MYOM2: variants seen among roughly 807,000 people sequenced by gnomAD.
The protein encoded by MYOM2 is myomesin 2.
A neutral mutation model predicts 187.6 loss-of-function variants in MYOM2; 254 were observed. The ratio of observed to expected loss-of-function variants is 1.35; its 90% CI spans 1.22 to 1.50. The LOEUF (loss-of-function observed/expected upper bound fraction) is 1.50. MYOM2 is among the 40% of genes most tolerant of loss of function. MYOM2 has a pLI of 0.00. For synonymous variants in MYOM2, 981 were observed against 753.8 expected, an observed-to-expected ratio of 1.30 and a Z score of -4.94; for missense variants, 2,796 against 1,924.0, an observed-to-expected ratio of 1.45 and a Z score of -8.48.
chr8:2,063,271 T>C (rs1818909192), intron 6 of MYOM2, among the ~76,000 whole-genome samples: 2 of 152,258 alleles, frequency 1.3e-5, no homozygotes, highest in African/African-American at 4.8e-5. Flanking sequence ...GCAGAATGTG[T>C]TGGCACCCAC....
At chr8:2,143,885 G>GA (rs922322787) in intron 36 of MYOM2, among the ~76,000 whole-genome samples, 17 of 151,174 alleles carry the variant, frequency 1.1e-4, no homozygotes, top group South Asian at 4.2e-4. Flanking sequence ...CAACACGAAG[G>GA]AAAAAAAAAT....
intron 21 of MYOM2, 123 bp downstream of exon 21, chr8:2,102,904 GTA>G: frequency 1.4e-6 from 1 of 735,234 alleles, no homozygotes; most frequent in Non-Finnish European, 2.3e-6. Context: ...TGTTATGTGT[GTA>G]TGTGTGGATG....
At chr8:2,122,302 A>G (rs940883060) in intron 28 of MYOM2, among the ~76,000 whole-genome samples, 2 of 152,238 alleles carry the variant, frequency 1.3e-5, no homozygotes, top group African/African-American at 4.8e-5. Context: ...TTTGCAGCTC[A>G]GTGGGATACC....
intron 14 of MYOM2, among the ~76,000 whole-genome samples, chr8:2,086,814 G>C (rs796757490): frequency 1.3e-5 from 2 of 152,220 alleles, no homozygotes; most frequent in African/African-American, 4.8e-5. Context: ...TACATGCTGG[G>C]GATTCCAGAT....
At chr8:2,090,530 G>C (rs1253579638) in intron 15 of MYOM2, among the ~76,000 whole-genome samples, 2 of 152,144 alleles carry the variant, frequency 1.3e-5, no homozygotes, top group African/African-American at 4.8e-5. Flanking sequence ...AGGTAAACTT[G>C]TGTCATGGGG....
At chr8:2,055,009 GGGGAACCAAGTACCTGGATACT>G (rs879854051) in intron 3 of MYOM2, among the ~76,000 whole-genome samples, 2,360 of 37,542 alleles carry the variant, frequency 0.063, 557 homozygotes, top group East Asian at 0.13. Flanking sequence ...CCTGGATACT[GGGGAACCAAGTACCTGGATACT>G]GGGGAACCAA....
At chr8:2,054,763 A>T (rs564032235) in intron 3 of MYOM2, among the ~76,000 whole-genome samples, 7 of 152,306 alleles carry the variant, frequency 4.6e-5, no homozygotes, top group Admixed American at 4.6e-4. Context: ...TGTCTTCTCG[A>T]TCCCTGCAAT....
intron 32 of MYOM2, among the ~76,000 whole-genome samples, chr8:2,138,862 C>T (rs972954451): frequency 1.3e-5 from 2 of 152,192 alleles, no homozygotes; most frequent in African/African-American, 4.8e-5. Context: ...TCCCTGGGAA[C>T]AGCCATTTCG....
chr8:2,077,473 T>A (rs1243380739), intron 11 of MYOM2, among the ~76,000 whole-genome samples: 2 of 152,234 alleles, frequency 1.3e-5, no homozygotes, highest in African/African-American at 4.8e-5. Flanking sequence ...TGTTTGTTTA[T>A]GCTGATTAAA....
At chr8:2,063,689 C>T (rs899148715) in intron 6 of MYOM2, among the ~76,000 whole-genome samples, 3 of 152,186 alleles carry the variant, frequency 2.0e-5, no homozygotes, top group African/African-American at 7.2e-5. Context: ...GTCATCACCA[C>T]TTATAATTTG....
chr8:2,134,958 A>G (rs73657748), intron 32 of MYOM2, among the ~76,000 whole-genome samples: 19,810 of 152,032 alleles, frequency 0.13, 2,193 homozygotes, highest in African/African-American at 0.28. Flanking sequence ...TGGAGACAGG[A>G]CTGGGTGATG....
intron 3 of MYOM2, among the ~76,000 whole-genome samples, chr8:2,055,062 C>T (rs1326937889): frequency 9.5e-5 from 10 of 105,658 alleles, no homozygotes; most frequent in African/African-American, 1.8e-4. Context: ...ACTGGGGGAA[C>T]GAAGTACCTG....
chr8:2,050,494 T>C (rs1174033549), intron 1 of MYOM2, among the ~76,000 whole-genome samples: 1 of 152,244 alleles, frequency 6.6e-6, no homozygotes, highest in Non-Finnish European at 1.5e-5. Context: ...ACTTGTTGAG[T>C]TCACAATGAA....
At chr8:2,085,702 C>T (rs1379348389) in intron 14 of MYOM2, among the ~76,000 whole-genome samples, 2 of 22,434 alleles carry the variant, frequency 8.9e-5, no homozygotes, top group Non-Finnish European at 1.5e-4. Flanking sequence ...CGTGGCCCCC[C>T]ACTGTCGTGA....
intron 25 of MYOM2, among the ~76,000 whole-genome samples, chr8:2,111,488 C>G (rs981982528): frequency 6.6e-6 from 1 of 152,204 alleles, no homozygotes; most frequent in Non-Finnish European, 1.5e-5. Context: ...AAGTAAGTTC[C>G]TATCATTCAT....
At chr8:2,123,114 G>A in intron 28 of MYOM2, 138 bp from the exon 29 acceptor site, 1 of 522,852 alleles carries the variant, frequency 1.9e-6, no homozygotes, top group Non-Finnish European at 3.4e-6. Flanking sequence ...TTTTCCATAA[G>A]CCTTCGTCTG....
At position 2,106,568 on chromosome 8, in the gene MYOM2, T is replaced by G. The variant is rs140558918; in HGVS notation, c.2969T>G (p.Val990Gly). The G allele has an allele frequency of 3.7e-6, 6 of 1,608,410 alleles. No homozygotes were observed. In the East Asian group the frequency reaches 1.3e-4, roughly 36 times the overall value. The change falls in exon 23 of 37, where the codon GTG becomes GGG. Residue 990 changes from valine to glycine, a missense_variant. Coordinates refer to ENST00000262113, the MANE Select transcript of MYOM2 (RefSeq NM_003970.4). Reference protein sequence around the residue: ...YSVSVSDTDGVSSSFVLDPEE... With the variant: ...YSVSVSDTDGGSSSFVLDPEE... ...GTGTCTGTAAGTGATACAGACGGAG[T>G]GTCCTCCAGTTTTGTTCTGGACCCA...
At chr8:2,127,447 T>A (rs1240078044) in intron 31 of MYOM2, among the ~76,000 whole-genome samples, 3 of 152,200 alleles carry the variant, frequency 2.0e-5, no homozygotes, top group Non-Finnish European at 4.4e-5. Context: ...TCCCTCCACC[T>A]CCAGAAGCTC....
chr8:2,144,512 C>G, intron 36 of MYOM2, 152 bp from the exon 37 acceptor site: 2 of 741,060 alleles, frequency 2.7e-6, no homozygotes, highest in South Asian at 1.8e-5. Flanking sequence ...CTGTCCAGAG[C>G]GGCGCTCATG....
Sources: allele counts gnomAD v4.1 joint callset (sites outside exome capture counted in the v4.1 genomes callset), GRCh38; gene constraint gnomAD v4.1.1; transcripts MANE v1.5; gene names NCBI Gene and HGNC (gene_info 2026-07-23, HGNC 2026-07-21).